PUDP: variants seen among roughly 807,000 people sequenced by gnomAD.
The protein encoded by PUDP is pseudouridine-5'-phosphatase.
In PUDP, 8 loss-of-function variants were observed where a neutral mutation model predicts 9.4. The ratio of observed to expected loss-of-function variants is 0.85; its 90% CI spans 0.50 to 1.53. The LOEUF (loss-of-function observed/expected upper bound fraction) is 1.53. PUDP is among the 40% of genes most tolerant of loss of function. The pLI is 0.00. For synonymous variants in PUDP, 99 were observed against 80.7 expected (o/e 1.23, Z -1.22); for missense variants, 188 against 189.7 (o/e 0.99, Z 0.05).
At position 6,842,442 on chromosome X, in the gene PUDP, T is replaced by C. The variant is rs139367444; in HGVS notation, c.*247+134691A>G. Among the ~76,000 whole-genome samples the C allele has an allele frequency of 8.6e-3, 964 of 111,759 alleles. 8 individuals carry two copies. The highest frequency in any genetic ancestry group is 0.028 in the African/African-American group (863 of 30,772). On this transcript the variant is annotated intron_variant and NMD_transcript_variant, in intron 3 of 3. Transcript: ENST00000655425. ...ATTGACACTGGGTATTACCAAATTG[T>C]ACCTATTTAGATTATTAAAAACAAG...
At chrX:7,106,175 G>A (rs1428670698) in intron 1 of PUDP, among the ~76,000 whole-genome samples, 10 of 112,625 alleles carry the variant, frequency 8.9e-5, no homozygotes, top group Non-Finnish European at 1.3e-4. Flanking sequence ...GATAGCACAA[G>A]GCATCATTAC....
In PUDP at chrX:6,932,301, G is replaced by A. The variant is rs920498716; in HGVS notation, c.*247+44832C>T. ...TGTCGGATGATGGATTGTTCTTGCC[G>A]GGAGGGCTTCTCCTCCCATGATTAA... On this transcript the variant is annotated intron_variant and NMD_transcript_variant, in intron 3 of 3. Transcript: ENST00000655425. Among the ~76,000 whole-genome samples, 4 of 111,811 alleles carry A rather than the reference G, an allele frequency of 3.6e-5. No individual in the cohort carries two copies. The South Asian group carries it at 1.1e-3, about 31-fold the overall frequency.
chrX:7,088,520 T>C (rs1165914017), intron 2 of PUDP, among the ~76,000 whole-genome samples: 2 of 112,349 alleles, frequency 1.8e-5, no homozygotes, highest in Non-Finnish European at 3.8e-5. Context: ...TGCTGTAGAT[T>C]TGTCTCTGTA....
rs1924915988 is a variant in PUDP, at chrX:6,739,946, G to A, written c.*248-33480C>T. 2.7e-5 allele frequency among the ~76,000 whole-genome samples: 3 copies of A among 111,233 alleles called. No individual in the cohort carries two copies. In the Admixed American group the frequency reaches 2.8e-4, roughly 11 times the overall value. ...TCTCATTTATTTATTAGCCTACTAA[G>A]ATTTTGTGAATGGTTACAGTAAAGA... is the stretch of plus-strand genomic sequence containing the variant. On this transcript the variant is annotated intron_variant and NMD_transcript_variant, in intron 3 of 3. Transcript: ENST00000655425.
At chrX:6,781,830 T>G (rs943161257) in intron 3 of PUDP, among the ~76,000 whole-genome samples, 2 of 112,227 alleles carry the variant, frequency 1.8e-5, no homozygotes, top group Non-Finnish European at 1.9e-5. Flanking sequence ...TATCTTACAA[T>G]GCACACAACA....
intron 1 of PUDP, among the ~76,000 whole-genome samples, chrX:7,024,336 AG>A (rs1417008785): frequency 1.8e-5 from 2 of 111,863 alleles, no homozygotes; most frequent in African/African-American, 6.5e-5. Context: ...GCCCTTTATC[AG>A]GTTGGTTGAA....
At chrX:6,902,066 CG>C (rs1452268121) in intron 3 of PUDP, among the ~76,000 whole-genome samples, 3 of 109,809 alleles carry the variant, frequency 2.7e-5, no homozygotes, top group Non-Finnish European at 3.8e-5. Context: ...GTAAAGATGG[CG>C]GGGGGCGGGG....
intron 3 of PUDP, among the ~76,000 whole-genome samples, chrX:6,881,101 A>G (rs2146739779): frequency 8.9e-6 from 1 of 112,651 alleles, no homozygotes; most frequent in East Asian, 2.8e-4. Context: ...CTCAGTAGTC[A>G]TAGAATCCAC....
At chrX:6,811,938 G>T (rs977579458) in intron 3 of PUDP, among the ~76,000 whole-genome samples, 1 of 112,528 alleles carries the variant, frequency 8.9e-6, no homozygotes, top group African/African-American at 3.2e-5. Flanking sequence ...GAAGGGACTG[G>T]CCCCCAGGAA....
chrX:6,788,163 G>A (rs986362300), intron 3 of PUDP, among the ~76,000 whole-genome samples: 7 of 111,895 alleles, frequency 6.3e-5, no homozygotes, highest in Admixed American at 3.8e-4. Flanking sequence ...CATACCTTGA[G>A]CACCCACGCG....
chrX:6,887,653 A>C (rs765545055), intron 3 of PUDP, among the ~76,000 whole-genome samples: 173 of 112,035 alleles, frequency 1.5e-3, no homozygotes, highest in Non-Finnish European at 2.4e-3. Context: ...AGTAAGGGAC[A>C]GATTCATTAC....
intron 3 of PUDP, among the ~76,000 whole-genome samples, chrX:6,772,280 A>G (rs1925376213): frequency 9.0e-6 from 1 of 111,542 alleles, no homozygotes. Context: ...TTTTTTTCCT[A>G]TATTACAATG....
In PUDP at chrX:6,750,816, T is replaced by A. The variant is rs143548272; in HGVS notation, c.*248-44350A>T. 2.7e-3 allele frequency among the ~76,000 whole-genome samples: 298 copies of A among 111,764 alleles called. 2 individuals are homozygous for A. Among genetic ancestry groups the A allele is most frequent in the African/African-American group, 9.4e-3 (288 of 30,759 alleles). On this transcript the variant is annotated intron_variant and NMD_transcript_variant, in intron 3 of 3. Coordinates refer to the PUDP transcript ENST00000655425. Reference sequence around the variant, plus strand: ...GATGATCTCTGAACACTGGACACTATCAAGAATATCCAGGAAATTTCTAGT... The same window carrying A: ...GATGATCTCTGAACACTGGACACTAACAAGAATATCCAGGAAATTTCTAGT...
intron 2 of PUDP, among the ~76,000 whole-genome samples, chrX:7,083,321 G>C (rs1178095586): frequency 8.9e-6 from 1 of 111,867 alleles, no homozygotes; most frequent in Non-Finnish European, 1.9e-5. Context: ...GAATCTGCCA[G>C]AAAAAAATGA....
intron 3 of PUDP, among the ~76,000 whole-genome samples, chrX:6,976,060 T>C (rs1432354439): frequency 8.9e-6 from 1 of 112,062 alleles, no homozygotes; most frequent in Admixed American, 9.4e-5. Context: ...CAACCAAGTT[T>C]GAGTGTCCTA....
chrX:6,777,434 G>A (rs758444745), intron 3 of PUDP, among the ~76,000 whole-genome samples: 14 of 111,772 alleles, frequency 1.3e-4, no homozygotes, highest in Non-Finnish European at 2.4e-4. Flanking sequence ...GCTTTGAGCC[G>A]TGGCTTTCAT....
chrX:6,913,351 T>G (rs1164535511), intron 3 of PUDP, among the ~76,000 whole-genome samples: 1 of 112,056 alleles, frequency 8.9e-6, no homozygotes, highest in Non-Finnish European at 1.9e-5. Context: ...CAAAACTTAC[T>G]AATTTGTGGA....
chrX:7,076,881 A>G lies in PUDP; in HGVS notation c.510+339T>C, dbSNP rs768456851. Among the ~76,000 whole-genome samples the G allele has an allele frequency of 3.6e-5, 4 of 112,179 alleles. No homozygotes were observed. In the East Asian group the frequency reaches 1.1e-3, roughly 32 times the overall value. ...TCACCTTAAAGCCTGCACCTAGACAATAAGACTGTTTTAAGCCCCACATCA... is the reference window on the plus strand; with the variant it reads ...TCACCTTAAAGCCTGCACCTAGACAGTAAGACTGTTTTAAGCCCCACATCA... On this transcript the variant is annotated intron_variant, in intron 3 of 3. Coordinates refer to ENST00000381077, the MANE Select transcript of PUDP (RefSeq NM_012080.5).
chrX:6,738,830 G>C (rs755226706), intron 3 of PUDP, among the ~76,000 whole-genome samples: 1 of 111,865 alleles, frequency 8.9e-6, no homozygotes, highest in East Asian at 2.8e-4. Flanking sequence ...CTCAAACCCA[G>C]GGAATTTGAT....
Sources: allele counts gnomAD v4.1 joint callset (sites outside exome capture counted in the v4.1 genomes callset), GRCh38; gene constraint gnomAD v4.1.1; transcripts MANE v1.5; gene names NCBI Gene and HGNC (gene_info 2026-07-23, HGNC 2026-07-21).